Variants in ANKH observed in about 807,000 individuals in gnomAD.
ANKH encodes mineralization regulator ANKH.
In ANKH, 15 loss-of-function variants were observed where a neutral mutation model predicts 49.0. The observed-to-expected ratio is 0.31, with a 90% CI of 0.20 to 0.47. ANKH has a LOEUF of 0.47. Among genes scored for constraint, ANKH ranks in the 20% least tolerant of loss-of-function variants. The pLI is 1.00. For missense variants in ANKH, 429 were observed against 652.0 expected (o/e 0.66, Z 3.72); for synonymous variants, 273 against 260.0 (o/e 1.05, Z -0.48).
At chr5:14,834,141 T>A (rs367835347) in intron 1 of ANKH, among the ~76,000 whole-genome samples, 5 of 152,266 alleles carry the variant, frequency 3.3e-5, no homozygotes, top group African/African-American at 1.2e-4. Flanking sequence ...AATGAAGTGG[T>A]AAAGAACAAG....
At chr5:14,726,377 G>A (rs1737822630) in intron 8 of ANKH, among the ~76,000 whole-genome samples, 1 of 152,164 alleles carries the variant, frequency 6.6e-6, no homozygotes, top group Non-Finnish European at 1.5e-5. Context: ...TCACTCGGAG[G>A]GATGTGAGAG....
intron 1 of ANKH, among the ~76,000 whole-genome samples, chr5:14,861,382 G>A (rs1180907285): frequency 6.6e-6 from 1 of 152,152 alleles, no homozygotes; most frequent in African/African-American, 2.4e-5. Flanking sequence ...CAGACATTCT[G>A]CTTTCCAGCC....
chr5:14,788,749 G>GA (rs1353565654), intron 1 of ANKH, among the ~76,000 whole-genome samples: 2 of 152,158 alleles, frequency 1.3e-5, no homozygotes, highest in African/African-American at 4.8e-5. Context: ...GGCTAAGACA[G>GA]AAACACAGGG....
intron 5 of ANKH, 33 bp from the exon 6 acceptor site, chr5:14,749,339 A>C (rs1325931148): frequency 6.8e-6 from 11 of 1,613,486 alleles, no homozygotes; most frequent in Non-Finnish European, 9.3e-6. Flanking sequence ...AAGTTACCTG[A>C]ACTCTAGAAG....
chr5:14,828,843 T>C, intron 1 of ANKH, among the ~76,000 whole-genome samples: 1 of 152,164 alleles, frequency 6.6e-6, no homozygotes, highest in East Asian at 1.9e-4. Flanking sequence ...GGTACATATC[T>C]TTAAGGTCTG....
chr5:14,744,753 C>G (rs2126472470), intron 7 of ANKH, among the ~76,000 whole-genome samples: 1 of 152,336 alleles, frequency 6.6e-6, no homozygotes, highest in East Asian at 1.9e-4. Flanking sequence ...GAGGGGGTCC[C>G]CAGGTCCCTG....
chr5:14,741,391 G>C (rs1257967430), intron 8 of ANKH: 1 of 224,714 alleles, frequency 4.5e-6, no homozygotes, highest in African/African-American at 2.4e-5. Flanking sequence ...ATGGGCACGT[G>C]ATGGCCACGT....
rs1228631366 is a variant in ANKH at position 14,737,533 on chromosome 5, C to A, written c.1011+4294G>T. Among the ~76,000 whole-genome samples the A allele has an allele frequency of 6.6e-6, 1 of 152,192 alleles. No individual in the cohort carries two copies. The highest frequency in any genetic ancestry group is 1.9e-4 in the East Asian group (1 of 5,190). On this transcript the variant is annotated intron_variant, in intron 8 of 11. Coordinates refer to ENST00000284268, the MANE Select transcript of ANKH (RefSeq NM_054027.6). The surrounding 1 kb of genome is among the most constrained non-coding windows in gnomAD (Gnocchi z 5.0). Reference sequence around the variant, plus strand: ...GTTCTACAGCCAGTCACATGAGCGACAGAGACCGCAGCTGTCCAGGAAGGC... The same window carrying A: ...GTTCTACAGCCAGTCACATGAGCGAAAGAGACCGCAGCTGTCCAGGAAGGC...
chr5:14,769,793 T>C (rs535025971), intron 1 of ANKH, among the ~76,000 whole-genome samples: 1 of 102,264 alleles, frequency 9.8e-6, no homozygotes, highest in African/African-American at 3.8e-5. Context: ...TATTTTAACC[T>C]GAAATACATT....
chr5:14,754,071 T>A (rs1738802558), intron 4 of ANKH, among the ~76,000 whole-genome samples: 1 of 152,220 alleles, frequency 6.6e-6, no homozygotes, highest in African/African-American at 2.4e-5. Flanking sequence ...TGGCAGGAAC[T>A]CAAGCAACAA....
rs369314230 is a variant in ANKH, at chr5:14,755,801, A to G, written c.516+60T>C. 394 of 1,469,996 alleles carry G rather than the reference A, an allele frequency of 2.7e-4. 5 individuals are homozygous for G. The South Asian group carries it at 4.3e-3, about 16-fold the overall frequency. The allele number at this position is 1,469,996 out of a possible 1,614,324, so 91.1% of individuals were successfully genotyped here. A position where few individuals can be genotyped will look rare whatever the true frequency, so the allele number is the denominator to read the frequency against. On this transcript the variant is annotated intron_variant, in intron 4 of 11. Transcript: ENST00000284268. ...AGTGAATGAATATAAATCACACATC[A>G]GTTACACACGCCAGAAGGGGACTCT... is the stretch of plus-strand genomic sequence containing the variant.
intron 1 of ANKH, among the ~76,000 whole-genome samples, chr5:14,821,782 C>A (rs1271625000): frequency 6.6e-6 from 1 of 152,148 alleles, no homozygotes; most frequent in African/African-American, 2.4e-5. Flanking sequence ...ACAGTAGAAC[C>A]AGATAAATGA....
chr5:14,716,938 C>T, intron 8 of ANKH, 103 bp from the exon 9 acceptor site: 1 of 1,472,812 alleles, frequency 6.8e-7, no homozygotes. Context: ...GAAAGAGGGA[C>T]AACCGGCCTG....
Position 14,871,511 on chromosome 5 carries a change from A to AGGGGCGAC in ANKH, c.-72_-65dup, listed in dbSNP as rs139106733. 9.7e-5 allele frequency: 113 copies of AGGGGCGAC among 1,168,376 alleles called. No homozygotes were observed. The highest frequency in any genetic ancestry group is 7.5e-4 in the South Asian group (54 of 72,156). The allele number at this position is 1,168,376 out of a possible 1,614,324, so 72.4% of individuals were successfully genotyped here. On this transcript the variant is annotated 5_prime_UTR_variant, in exon 1 of 12. Transcript: ENST00000284268. ...CGCGAGGGGACTCTGCGGGGAGGCG[A>AGGGGCGAC]GGGGCGACGGGGCGACGGGGCGAGC...
At chr5:14,856,856 T>C (rs1167390196) in intron 1 of ANKH, among the ~76,000 whole-genome samples, 1 of 152,066 alleles carries the variant, frequency 6.6e-6, no homozygotes, top group Non-Finnish European at 1.5e-5. Flanking sequence ...CACCTATTCA[T>C]CTTCGAAGTG....
intron 2 of ANKH, among the ~76,000 whole-genome samples, chr5:14,759,562 C>A (rs1739006053): frequency 2.7e-5 from 4 of 150,864 alleles, no homozygotes; most frequent in Admixed American, 1.3e-4. Flanking sequence ...CTAGCCTGGG[C>A]AACATAGTGA....
intron 11 of ANKH, 43 bp from the exon 12 acceptor site, chr5:14,711,353 A>T (rs763670889): frequency 6.5e-7 from 1 of 1,536,228 alleles, no homozygotes; most frequent in Non-Finnish European, 9.0e-7. Context: ...GTGGATGGGG[A>T]CACTGCACAG....
At chr5:14,794,856 G>A (rs1355610999) in intron 1 of ANKH, among the ~76,000 whole-genome samples, 2 of 152,170 alleles carry the variant, frequency 1.3e-5, no homozygotes, top group East Asian at 1.9e-4. Flanking sequence ...AAATATATAC[G>A]GCATTTGCTG....
At chr5:14,811,303 G>T (rs1740877569) in intron 1 of ANKH, among the ~76,000 whole-genome samples, 1 of 152,204 alleles carries the variant, frequency 6.6e-6, no homozygotes, top group Non-Finnish European at 1.5e-5. Flanking sequence ...AGGGAAGGGG[G>T]AAAAGAAGAG....
Sources: allele counts gnomAD v4.1 joint callset (sites outside exome capture counted in the v4.1 genomes callset), GRCh38; gene constraint gnomAD v4.1.1; non-coding constraint Gnocchi (gnomAD v3.1); transcripts MANE v1.5; gene names NCBI Gene and HGNC (gene_info 2026-07-23, HGNC 2026-07-21).